Variants in UTP14A observed in about 807,000 individuals in gnomAD.
UTP14A encodes the protein U3 small nucleolar RNA-associated protein 14 homolog A.
A neutral mutation model predicts 57.2 loss-of-function variants in UTP14A; 5 were observed. The ratio of observed to expected loss-of-function variants is 0.09; its 90% CI spans 0.05 to 0.18. The LOEUF (loss-of-function observed/expected upper bound fraction) is 0.18. Among genes scored for constraint, UTP14A ranks in the 10% least tolerant of loss-of-function variants. The pLI is 1.00. For missense variants in UTP14A, 430 were observed against 562.1 expected (o/e 0.76, Z 2.38); for synonymous variants, 169 against 210.9 (o/e 0.80, Z 1.72).
At chrX:129,913,544 A>T in intron 6 of UTP14A, 1 of 266,433 alleles carries the variant, frequency 3.8e-6, no homozygotes, top group East Asian at 1.0e-4. Context: ...TTGTTGTCTT[A>T]GAGTTTTATT....
At position 129,926,014 on chromosome X, in the gene UTP14A, T is replaced by C. The variant is rs1212315142; in HGVS notation, c.1845T>C (p.Ala615=). The change falls in exon 13 of 15, where the codon GCT becomes GCC. Residue 615 remains alanine (A), a synonymous_variant. Transcript: ENST00000394422. ...ATTTCTTGAAAGAGAAGAGGGAAGC[T>C]GTGGAGGCGAGTAAGCCAAAGGACG... is the stretch of plus-strand genomic sequence containing the variant. ...IRDFLKEKRE[A]VEASKPKDVD... The C allele has an allele frequency of 5.0e-6, 6 of 1,211,415 alleles. No homozygotes were observed. The highest frequency in any genetic ancestry group is 2.2e-5 in the Admixed American group (1 of 46,002).
At position 129,928,790 on chromosome X, in the gene UTP14A, AAGG is replaced by A. The variant is rs1930211286; in HGVS notation, c.2044-540_2044-538del. Among the ~76,000 whole-genome samples, 3 of 109,415 alleles carry A rather than the reference AAGG, an allele frequency of 2.7e-5. No individual in the cohort carries two copies. The South Asian group carries it at 1.1e-3, about 42-fold the overall frequency. On this transcript the variant is annotated intron_variant, in intron 14 of 14. Coordinates refer to ENST00000394422, the MANE Select transcript of UTP14A (RefSeq NM_006649.4). Reference sequence around the variant, plus strand: ...AAAAAATATCAATCCTAAGAGAGGGAAGGAGGAGACTGAAAGCATAAAGAGGGT... The same window carrying A: ...AAAAAATATCAATCCTAAGAGAGGGAAGGAGACTGAAAGCATAAAGAGGGT...
intron 6 of UTP14A, among the ~76,000 whole-genome samples, chrX:129,912,127 T>TC (rs1929498837): frequency 9.2e-6 from 1 of 109,191 alleles, no homozygotes; most frequent in African/African-American, 3.3e-5. Flanking sequence ...TTTTTTTTTT[T>TC]CTTGAGACAG....
chrX:129,921,702 C>T, intron 11 of UTP14A, 115 bp downstream of exon 11: 1 of 812,600 alleles, frequency 1.2e-6, no homozygotes, highest in Non-Finnish European at 1.7e-6. Context: ...GCGCTGGGGA[C>T]TTGCAAGAGT....
In UTP14A at chrX:129,920,588, T is replaced by C. The variant is rs1320363840; in HGVS notation, c.876+8T>C. 8.3e-7 allele frequency: 1 copy of C among 1,209,514 alleles called. No individual in the cohort carries two copies. The highest frequency in any genetic ancestry group is 3.0e-5 in the East Asian group (1 of 33,771). On this transcript the variant is annotated splice_region_variant and intron_variant, in intron 9 of 14. Coordinates refer to ENST00000394422, the MANE Select transcript of UTP14A (RefSeq NM_006649.4). Reference sequence around the variant, plus strand: ...GAAAAGGCCAGAATGATGGTGAGACTACCTCTTGCCCCACCCCCACCCCTT... The same window carrying C: ...GAAAAGGCCAGAATGATGGTGAGACCACCTCTTGCCCCACCCCCACCCCTT...
At chrX:129,918,137 G>A (rs1235094270) in intron 6 of UTP14A, among the ~76,000 whole-genome samples, 1 of 111,185 alleles carries the variant, frequency 9.0e-6, no homozygotes, top group Non-Finnish European at 1.9e-5. Context: ...TGTAATCCCA[G>A]CACTTTGGGA....
In UTP14A at chrX:129,929,566, C is replaced by T; in HGVS notation, c.2274C>T (p.Thr758=). The change falls in exon 15 of 15, where the codon ACC becomes ACT. Residue 758 remains threonine, a synonymous_variant. Coordinates refer to ENST00000394422, the MANE Select transcript of UTP14A (RefSeq NM_006649.4). Reference sequence around the variant, plus strand: ...TACAGAGGAATCCAAAACGAATCACCACACGTCACAAAAAACAGCTGAAGA... The same window carrying T: ...TACAGAGGAATCCAAAACGAATCACTACACGTCACAAAAAACAGCTGAAGA... The part of the protein sequence containing the change: ...SVIQRNPKRI[T]TRHKKQLKKC... 1.7e-6 allele frequency: 2 copies of T among 1,211,170 alleles called. No homozygotes were observed. Among genetic ancestry groups the T allele is most frequent in the South Asian group, 1.8e-5 (1 of 56,986 alleles).
rs780967482 is a variant in UTP14A, at chrX:129,911,179, G to A, written c.381+29G>A. On this transcript the variant is annotated intron_variant, in intron 5 of 14. Coordinates refer to ENST00000394422, the MANE Select transcript of UTP14A (RefSeq NM_006649.4). Reference sequence around the variant, plus strand: ...AGCTACAGAGAAGGTGGTCTATTAAGGGAAAGAAATTGAATTGACAAGGGA... The same window carrying A: ...AGCTACAGAGAAGGTGGTCTATTAAAGGAAAGAAATTGAATTGACAAGGGA... 3.7e-5 allele frequency: 44 copies of A among 1,179,259 alleles called. 1 individual carries two copies. In the South Asian group the frequency reaches 7.8e-4, roughly 21 times the overall value.
At chrX:129,916,330 C>A (rs750861370) in intron 6 of UTP14A, among the ~76,000 whole-genome samples, 1 of 111,181 alleles carries the variant, frequency 9.0e-6, no homozygotes, top group South Asian at 3.8e-4. Flanking sequence ...CTGGGTCCCC[C>A]ATATGCACCT....
intron 6 of UTP14A, among the ~76,000 whole-genome samples, chrX:129,917,987 G>C (rs183562141): frequency 3.6e-5 from 4 of 112,378 alleles, no homozygotes; most frequent in Non-Finnish European, 7.5e-5. Context: ...TATATGCATG[G>C]TTTATAGCAG....
chrX:129,920,645 T>G (rs1231777522), intron 9 of UTP14A, 30 bp from the exon 10 acceptor site: 1 of 1,091,723 alleles, frequency 9.2e-7, no homozygotes, highest in East Asian at 3.4e-5. Context: ...GCACTAAAGA[T>G]GTAAATCTCA....
chrX:129,912,086 A>G (rs1929496178), intron 6 of UTP14A, among the ~76,000 whole-genome samples, 165 bp downstream of exon 6: 1 of 110,030 alleles, frequency 9.1e-6, no homozygotes, highest in African/African-American at 3.3e-5. Context: ...GTCATGTGAT[A>G]GCCAGTCACA....
rs745728415 is a variant in UTP14A at position 129,911,862 on chromosome X, C to T, written c.478C>T (p.Pro160Ser). The T allele has an allele frequency of 8.3e-7, 1 of 1,211,484 alleles. No homozygotes were observed. Among genetic ancestry groups the T allele is most frequent in the Non-Finnish European group, 1.1e-6 (1 of 895,482 alleles). The change falls in exon 6 of 15, where the codon CCC becomes TCC. Residue 160 changes from proline to serine, a missense_variant. Physicochemically the swap from Pro to Ser is moderately conservative, Grantham distance 74 (BLOSUM62 -1). This residue lies in a region of UTP14A where 145 missense variants were observed against 153.5 expected (regional missense o/e 0.94). Coordinates refer to ENST00000394422, the MANE Select transcript of UTP14A (RefSeq NM_006649.4). ...CCGGCAGGCAGAGCAGCTGGTTTTT[C>T]CCCTGGAGAAAGAGGAGCCAGCCAT... ...KNRQAEQLVFPLEKEEPAIAP... is the reference protein window; with the variant it reads ...KNRQAEQLVFSLEKEEPAIAP...
chrX:129,924,283 C>CT (rs556719731), intron 11 of UTP14A, among the ~76,000 whole-genome samples: 10,946 of 82,461 alleles, frequency 0.13, 1,366 homozygotes, highest in African/African-American at 0.28. Flanking sequence ...TCACATGCTA[C>CT]TTTTTTTTTT....
At chrX:129,910,052 G>A (rs895149357) in intron 4 of UTP14A, among the ~76,000 whole-genome samples, 12 of 111,899 alleles carry the variant, frequency 1.1e-4, no homozygotes, top group African/African-American at 3.6e-4. Context: ...ACTTTAGATC[G>A]GTTGGTCATG....
chrX:129,907,969 TA>T, intron 2 of UTP14A, 90 bp from the exon 3 acceptor site: 1 of 802,473 alleles, frequency 1.2e-6, no homozygotes, highest in Non-Finnish European at 1.9e-6. Flanking sequence ...AATAAATAAA[TA>T]AATAACAAGA....
chrX:129,919,588 G>C, intron 8 of UTP14A, 99 bp downstream of exon 8: 2 of 946,895 alleles, frequency 2.1e-6, no homozygotes, highest in Non-Finnish European at 2.9e-6. Context: ...AGCAACTAGA[G>C]TCATGCAGAT....
intron 6 of UTP14A, among the ~76,000 whole-genome samples, chrX:129,914,065 T>A (rs895710758): frequency 3.6e-5 from 4 of 111,841 alleles, no homozygotes; most frequent in Non-Finnish European, 7.5e-5. Flanking sequence ...CTCTTCAAGA[T>A]AGAGTGAGGC....
intron 6 of UTP14A, among the ~76,000 whole-genome samples, chrX:129,917,330 A>G (rs1285583251): frequency 8.9e-6 from 1 of 112,223 alleles, no homozygotes; most frequent in Non-Finnish European, 1.9e-5. Flanking sequence ...ATCGTGTAAC[A>G]TGTGATGATG....
Sources: gnomAD v4.1 joint callset for allele counts (sites outside exome capture counted in the v4.1 genomes callset) on GRCh38, gnomAD v4.1.1 for gene constraint, gnomAD v4.1.1 regional missense constraint, MANE v1.5 for transcripts, NCBI Gene and HGNC (gene_info 2026-07-23, HGNC 2026-07-21) for gene names.